The following MAP7 variants were observed in gnomAD, a reference collection of about 807,000 sequenced individuals.
The protein encoded by MAP7 is microtubule associated protein 7, also known as ensconsin.
Under a neutral mutation model 94.8 loss-of-function variants are expected in MAP7, and 52 were observed. The observed-to-expected ratio is 0.55, with a 90% CI of 0.44 to 0.69. The LOEUF is 0.69. Ranked by LOEUF, MAP7 falls within the 30% of genes least tolerant of loss-of-function variation. The pLI, the probability that MAP7 is intolerant of heterozygous loss-of-function variation, is 0.00. For synonymous variants in MAP7, 350 were observed against 357.0 expected, an observed-to-expected ratio of 0.98 and a Z score of 0.22; for missense variants, 940 against 964.6, an observed-to-expected ratio of 0.97 and a Z score of 0.34.
At chr6:136,381,877 T>TACACACACACACACACACACACAC (rs1156527948) in intron 6 of MAP7, among the ~76,000 whole-genome samples, 18 of 93,038 alleles carry the variant, frequency 1.9e-4, no homozygotes, top group East Asian at 1.5e-3. Flanking sequence ...CTTCTAACCT[T>TACACACACACACACACACACACAC]ACACACACAC....
chr6:136,510,687 A>G (rs1255605135), intron 1 of MAP7, among the ~76,000 whole-genome samples: 1 of 152,102 alleles, frequency 6.6e-6, no homozygotes, highest in African/African-American at 2.4e-5. Flanking sequence ...ATATTTTGGG[A>G]GCGACCATAC....
At chr6:136,456,755 G>GGA (rs1390785949) in intron 1 of MAP7, among the ~76,000 whole-genome samples, 2 of 36,416 alleles carry the variant, frequency 5.5e-5, no homozygotes, top group African/African-American at 1.1e-4. Flanking sequence ...AGGAGGAGGA[G>GGA]GAGGAGGAGG....
chr6:136,549,949 G>A (rs1221729509), intron 1 of MAP7, among the ~76,000 whole-genome samples: 1 of 152,200 alleles, frequency 6.6e-6, no homozygotes, highest in Non-Finnish European at 1.5e-5. Context: ...GCACCTGGCC[G>A]ACGACTCTCT....
intron 3 of MAP7, 38 bp from the exon 4 acceptor site, chr6:136,389,555 T>G (rs763994796): frequency 6.4e-7 from 1 of 1,564,216 alleles, no homozygotes; most frequent in South Asian, 1.1e-5. Flanking sequence ...AAGAGGGAAA[T>G]CAAATATAGG....
chr6:136,526,394 C>T, intron 1 of MAP7: 4 of 989,748 alleles, frequency 4.0e-6, no homozygotes, highest in Non-Finnish European at 4.8e-6. Context: ...CTTCCTGCTG[C>T]AGCACCTTTT....
intron 1 of MAP7, among the ~76,000 whole-genome samples, chr6:136,535,495 C>T (rs1361026145): frequency 1.3e-5 from 2 of 152,160 alleles, no homozygotes; most frequent in Non-Finnish European, 2.9e-5. Flanking sequence ...TACAATTCTC[C>T]AGCATAGTTC....
intron 3 of MAP7, among the ~76,000 whole-genome samples, chr6:136,397,477 TG>T (rs1782803790): frequency 1.3e-5 from 2 of 152,196 alleles, no homozygotes; most frequent in South Asian, 2.1e-4. Flanking sequence ...CAACTGTTAT[TG>T]ACTGAATTGT....
intron 15 of MAP7, 102 bp downstream of exon 15, chr6:136,359,718 T>C: frequency 9.1e-7 from 1 of 1,104,254 alleles, no homozygotes; most frequent in Non-Finnish European, 1.3e-6. Flanking sequence ...CTGTAAGCAC[T>C]GGATCTTTTT....
At chr6:136,497,821 A>C (rs1247238990) in intron 1 of MAP7, among the ~76,000 whole-genome samples, 1 of 149,664 alleles carries the variant, frequency 6.7e-6, no homozygotes, top group Non-Finnish European at 1.5e-5. Context: ...AAAAAAAAAG[A>C]AAGCAGATTC....
chr6:136,519,832 G>C (rs1825878938), intron 1 of MAP7, among the ~76,000 whole-genome samples: 1 of 152,062 alleles, frequency 6.6e-6, no homozygotes, highest in South Asian at 2.1e-4. Flanking sequence ...TTCACAAAGT[G>C]GTCAATTAAT....
intron 1 of MAP7, among the ~76,000 whole-genome samples, chr6:136,455,801 C>T (rs1802694014): frequency 6.6e-6 from 1 of 152,038 alleles, no homozygotes; most frequent in Non-Finnish European, 1.5e-5. Context: ...TCAGCAGACT[C>T]AATATGAAGC....
At chr6:136,482,674 C>T (rs528025712) in intron 1 of MAP7, among the ~76,000 whole-genome samples, 3 of 151,986 alleles carry the variant, frequency 2.0e-5, no homozygotes, top group Admixed American at 2.0e-4. Flanking sequence ...TGGAATCAAC[C>T]TAGATGCCCA....
At chr6:136,410,316 G>A (rs1442561406) in intron 3 of MAP7, among the ~76,000 whole-genome samples, 1 of 152,188 alleles carries the variant, frequency 6.6e-6, no homozygotes, top group African/African-American at 2.4e-5. Context: ...GTAAATAACA[G>A]CCACCCTAAA....
intron 4 of MAP7, 133 bp from the exon 5 acceptor site, chr6:136,388,643 T>G: frequency 1.4e-6 from 1 of 700,852 alleles, no homozygotes; most frequent in Non-Finnish European, 2.5e-6. Flanking sequence ...GCTGAACTTC[T>G]ATACCATAAG....
intron 1 of MAP7, among the ~76,000 whole-genome samples, chr6:136,427,894 G>A (rs1016163094): frequency 3.3e-5 from 5 of 152,086 alleles, no homozygotes; most frequent in African/African-American, 9.7e-5. Flanking sequence ...TCTCCATCTC[G>A]TCATAATGGA....
chr6:136,349,663 C>T (rs912054427), intron 16 of MAP7, among the ~76,000 whole-genome samples: 3 of 152,322 alleles, frequency 2.0e-5, no homozygotes, highest in South Asian at 2.1e-4. Context: ...TGAGCCACCA[C>T]ACTTGGCATA....
intron 1 of MAP7, among the ~76,000 whole-genome samples, chr6:136,443,847 G>A (rs1416738261): frequency 1.3e-5 from 2 of 152,160 alleles, no homozygotes; most frequent in African/African-American, 4.8e-5. Context: ...CTAAAGAAAT[G>A]AGAGAATGCA....
At chr6:136,429,926 T>C (rs994816361) in intron 1 of MAP7, among the ~76,000 whole-genome samples, 1 of 152,208 alleles carries the variant, frequency 6.6e-6, no homozygotes, top group East Asian at 1.9e-4. Context: ...GTCACAATGC[T>C]AGCTAGCTAC....
rs1054483330 is a variant in MAP7 at position 136,514,860 on chromosome 6, A to G, written c.67+35482T>C. On this transcript the variant is annotated intron_variant, in intron 1 of 17. Transcript: ENST00000354570. The stretch of plus-strand genomic sequence containing the variant: ...AGAATTTTCAGAATGGCAAATGAGC[A>G]TTGGCTTCAACTCCAAGTCAATGAT... 2.6e-5 allele frequency among the ~76,000 whole-genome samples: 4 copies of G among 152,286 alleles called. No individual in the cohort carries two copies. In the East Asian group the frequency reaches 5.8e-4, roughly 22 times the overall value.
Sources: allele counts gnomAD v4.1 joint callset (sites outside exome capture counted in the v4.1 genomes callset), GRCh38; gene constraint gnomAD v4.1.1; transcripts MANE v1.5; gene names NCBI Gene and HGNC (gene_info 2026-07-23, HGNC 2026-07-21).